TAFA2: variants seen among roughly 807,000 people sequenced by gnomAD.
The protein encoded by TAFA2 is chemokine-like protein TAFA-2.
Under a neutral mutation model 18.8 loss-of-function variants are expected in TAFA2, and 7 were observed. That is an observed-to-expected ratio of 0.37 (90% CI 0.21 to 0.70). The LOEUF (loss-of-function observed/expected upper bound fraction) is 0.70, where lower values mean the gene tolerates loss of function less well. TAFA2 is among the 30% of genes least tolerant of loss of function. The pLI is 0.53. For synonymous variants in TAFA2, 60 were observed against 54.2 expected, an observed-to-expected ratio of 1.11 and a Z score of -0.47; for missense variants, 122 against 158.1, an observed-to-expected ratio of 0.77 and a Z score of 1.23.
At position 62,107,088 on chromosome 12, in the gene TAFA2, C is replaced by T. The variant is rs372121257; in HGVS notation, c.-2+84171G>A. Reference sequence around the variant, plus strand: ...ATTGTTAAGATTCACTTCTATCTACCTCCCAGTAATGAAAGTAATTAATAG... The same window carrying T: ...ATTGTTAAGATTCACTTCTATCTACTTCCCAGTAATGAAAGTAATTAATAG... On this transcript the variant is annotated intron_variant, in intron 1 of 4. Coordinates refer to ENST00000416284, the MANE Select transcript of TAFA2 (RefSeq NM_178539.5). Among the ~76,000 whole-genome samples the T allele has an allele frequency of 7.2e-5, 11 of 152,192 alleles. No individual in the cohort carries two copies. The East Asian group carries it at 2.1e-3, about 29-fold the overall frequency.
At chr12:61,822,664 C>T (rs777400423) in intron 2 of TAFA2, among the ~76,000 whole-genome samples, 1 of 152,088 alleles carries the variant, frequency 6.6e-6, no homozygotes, top group African/African-American at 2.4e-5. Context: ...GTTTATATAA[C>T]CATGCTCCTA....
At chr12:61,874,019 T>G (rs1414508782) in intron 1 of TAFA2, among the ~76,000 whole-genome samples, 2 of 152,194 alleles carry the variant, frequency 1.3e-5, no homozygotes, top group African/African-American at 2.4e-5. Context: ...CTGAGGTGGT[T>G]GATTTTAATC....
At chr12:62,045,015 T>C (rs1270223522) in intron 1 of TAFA2, among the ~76,000 whole-genome samples, 1 of 152,142 alleles carries the variant, frequency 6.6e-6, no homozygotes, top group African/African-American at 2.4e-5. Flanking sequence ...AACATTCTTT[T>C]TGCAGGGAAG....
intron 2 of TAFA2, among the ~76,000 whole-genome samples, chr12:61,852,845 G>A (rs1873731211): frequency 6.6e-6 from 1 of 152,066 alleles, no homozygotes; most frequent in Admixed American, 6.5e-5. Flanking sequence ...TAAATGAGAG[G>A]AAGATACAGT....
intron 2 of TAFA2, among the ~76,000 whole-genome samples, chr12:61,789,578 A>C (rs951844943): frequency 1.3e-5 from 2 of 151,806 alleles, no homozygotes; most frequent in African/African-American, 4.8e-5. Context: ...CATTAGGAGA[A>C]ATACCTAATG....
intron 1 of TAFA2, among the ~76,000 whole-genome samples, chr12:61,869,351 T>A (rs1013875226): frequency 6.6e-6 from 1 of 152,206 alleles, no homozygotes; most frequent in Non-Finnish European, 1.5e-5. Context: ...GAAGATTAAA[T>A]GAAATAGTCT....
intron 1 of TAFA2, among the ~76,000 whole-genome samples, chr12:62,249,261 CTTT>C (rs1401263419): frequency 3.0e-4 from 34 of 112,906 alleles, no homozygotes; most frequent in Admixed American, 1.4e-3. Flanking sequence ...CTGCTCCCTC[CTTT>C]TTTTTCCTAA....
At position 62,094,610 on chromosome 12, in the gene TAFA2, C is replaced by T. The variant is rs184246320; in HGVS notation, c.-2+96649G>A. On this transcript the variant is annotated intron_variant, in intron 1 of 4. Transcript: ENST00000416284. ...TATCATTCCAAAATTCCTTAATTTA[C>T]AGATTTGTTTATTTATTTTGGCTAA... Among the ~76,000 whole-genome samples, 3 of 151,888 alleles carry T rather than the reference C, an allele frequency of 2.0e-5. No homozygotes were observed. In the East Asian group the frequency reaches 5.8e-4, roughly 29 times the overall value.
At position 61,879,239 on chromosome 12, in the gene TAFA2, T is replaced by C. The variant is rs748611060; in HGVS notation, c.-1-11813A>G. On this transcript the variant is annotated intron_variant, in intron 1 of 4. Coordinates refer to ENST00000416284, the MANE Select transcript of TAFA2 (RefSeq NM_178539.5). Reference sequence around the variant, plus strand: ...GTTCTTTCCATTAAAAGTCTGATAATGAAGAAGCAGCAGCTTCTCCACTCC... The same window carrying C: ...GTTCTTTCCATTAAAAGTCTGATAACGAAGAAGCAGCAGCTTCTCCACTCC... The C allele has an allele frequency of 4.5e-5, 17 of 377,624 alleles. No homozygotes were observed. The Middle Eastern group carries it at 2.0e-3, about 44-fold the overall frequency. 23.4% of individuals were successfully genotyped at this position (377,624 alleles called of 1,614,324 possible). A position where few individuals can be genotyped will look rare whatever the true frequency, so the allele number is the denominator to read the frequency against.
In TAFA2 at chr12:62,080,062, G is replaced by A. The variant is rs553395037; in HGVS notation, c.-2+111197C>T. On this transcript the variant is annotated intron_variant, in intron 1 of 4. Transcript: ENST00000416284. Reference sequence around the variant, plus strand: ...AGTGCTCTTCCAAGACCATGTAATGGTAGCAGAATTCAGTTCCTTGAAGTT... The same window carrying A: ...AGTGCTCTTCCAAGACCATGTAATGATAGCAGAATTCAGTTCCTTGAAGTT... 2.0e-5 allele frequency among the ~76,000 whole-genome samples: 3 copies of A among 152,322 alleles called. No homozygotes were observed. In the South Asian group the frequency reaches 6.2e-4, roughly 32 times the overall value.
At chr12:62,167,390 T>C (rs2062447858) in intron 1 of TAFA2, among the ~76,000 whole-genome samples, 1 of 152,178 alleles carries the variant, frequency 6.6e-6, no homozygotes, top group Non-Finnish European at 1.5e-5. Flanking sequence ...AGAGAAACTG[T>C]TAACTAATGT....
chr12:62,127,873 A>G (rs1870528862), intron 1 of TAFA2, among the ~76,000 whole-genome samples: 1 of 152,070 alleles, frequency 6.6e-6, no homozygotes, highest in South Asian at 2.1e-4. Context: ...CCAAGTACAT[A>G]GTAAGTACTC....
chr12:61,805,396 T>C (rs1167253724), intron 2 of TAFA2, among the ~76,000 whole-genome samples: 1 of 152,040 alleles, frequency 6.6e-6, no homozygotes, highest in Non-Finnish European at 1.5e-5. Context: ...AGCCCAAATT[T>C]CAATAAATAT....
intron 4 of TAFA2, among the ~76,000 whole-genome samples, chr12:61,731,312 T>C (rs927442902): frequency 1.3e-5 from 2 of 152,110 alleles, no homozygotes; most frequent in Admixed American, 6.6e-5. Flanking sequence ...TTGTGAATTC[T>C]TTTGTTTTTT....
At chr12:61,789,060 A>G (rs1298693371) in intron 2 of TAFA2, among the ~76,000 whole-genome samples, 1 of 151,848 alleles carries the variant, frequency 6.6e-6, no homozygotes, top group Non-Finnish European at 1.5e-5. Context: ...TCAGATGGAC[A>G]GATTGCAAAA....
intron 1 of TAFA2, among the ~76,000 whole-genome samples, chr12:62,133,185 C>A (rs1421417368): frequency 6.6e-6 from 1 of 152,000 alleles, no homozygotes; most frequent in East Asian, 1.9e-4. Flanking sequence ...TTTCCATGCA[C>A]ACACATTCCC....
At chr12:62,086,729 T>C (rs905767634) in intron 1 of TAFA2, among the ~76,000 whole-genome samples, 5 of 152,064 alleles carry the variant, frequency 3.3e-5, no homozygotes, top group African/African-American at 1.2e-4. Context: ...ATTGCTACTA[T>C]GGAAAACAGT....
At chr12:61,760,315 C>A (rs192329282) in intron 2 of TAFA2, among the ~76,000 whole-genome samples, 2 of 142,238 alleles carry the variant, frequency 1.4e-5, no homozygotes, top group Admixed American at 7.5e-5. Context: ...GATAGATAAT[C>A]TTGTGCTCAA....
chr12:62,117,104 G>A lies in TAFA2; in HGVS notation c.-2+74155C>T, dbSNP rs537559301. On this transcript the variant is annotated intron_variant, in intron 1 of 4. Coordinates refer to ENST00000416284, the MANE Select transcript of TAFA2 (RefSeq NM_178539.5). ...TCTTGATCTTGGACTTCTATCTTCC[G>A]GAAACTTTGAAATTTCTGTTCTTTA... Among the ~76,000 whole-genome samples, 8 of 152,192 alleles carry A rather than the reference G, an allele frequency of 5.3e-5. No homozygotes were observed. The East Asian group carries it at 5.8e-4, about 11-fold the overall frequency.
Sources: allele counts gnomAD v4.1 joint callset (sites outside exome capture counted in the v4.1 genomes callset), GRCh38; gene constraint gnomAD v4.1.1; transcripts MANE v1.5; gene names NCBI Gene and HGNC (gene_info 2026-07-23, HGNC 2026-07-21).